Variants in FRMD6 observed in about 807,000 individuals in gnomAD.
The protein encoded by FRMD6 is FERM domain containing 6.
A neutral mutation model predicts 73.2 loss-of-function variants in FRMD6; 37 were observed. The observed-to-expected ratio is 0.51, with a 90% CI of 0.39 to 0.66. The LOEUF (loss-of-function observed/expected upper bound fraction) is 0.66. Among genes scored for constraint, FRMD6 ranks in the 30% least tolerant of loss-of-function variants. FRMD6 has a pLI of 0.00. For missense variants in FRMD6, 714 were observed against 780.5 expected (o/e 0.91, Z 1.02); for synonymous variants, 273 against 282.2 (o/e 0.97, Z 0.33).
chr14:51,539,059 T>G (rs2139358389), intron 1 of FRMD6, among the ~76,000 whole-genome samples: 1 of 152,286 alleles, frequency 6.6e-6, no homozygotes, highest in African/African-American at 2.4e-5. Flanking sequence ...TTGGTTTTAA[T>G]GGGCTTTTTC....
chr14:51,408,331 A>G, the FRMD6 span, among the ~76,000 whole-genome samples: 2 of 151,894 alleles, frequency 1.3e-5, no homozygotes, highest in African/African-American at 2.4e-5. Flanking sequence ...GGCTAATTTT[A>G]TTAATTCTTT....
chr14:51,640,280 C>T (rs1891756725), intron 2 of FRMD6, among the ~76,000 whole-genome samples: 1 of 152,188 alleles, frequency 6.6e-6, no homozygotes, highest in Non-Finnish European at 1.5e-5. Context: ...GTTACAATAC[C>T]TAAAGCATTT....
intron 2 of FRMD6, among the ~76,000 whole-genome samples, chr14:51,595,303 C>T (rs541125493): frequency 1.3e-5 from 2 of 152,266 alleles, no homozygotes; most frequent in South Asian, 4.1e-4. Context: ...CAAATCTGTA[C>T]CCTGGAAATA....
chr14:51,451,380 G>GTA, the FRMD6 span, among the ~76,000 whole-genome samples: 1 of 152,166 alleles, frequency 6.6e-6, no homozygotes, highest in East Asian at 1.9e-4. Flanking sequence ...CTATGCATAT[G>GTA]TATATATATG....
the FRMD6 span, among the ~76,000 whole-genome samples, chr14:51,450,090 G>T: frequency 1.2e-4 from 19 of 152,182 alleles, no homozygotes; most frequent in South Asian, 6.2e-4. Flanking sequence ...AATCATACCT[G>T]TGGCAAAAAT....
the FRMD6 span, among the ~76,000 whole-genome samples, chr14:51,426,070 C>T: frequency 0.086 from 13,024 of 152,118 alleles, 595 homozygotes; most frequent in East Asian, 0.12. Context: ...TCTTGTTCAA[C>T]ATGGGCCCTC....
intron 2 of FRMD6, among the ~76,000 whole-genome samples, chr14:51,586,196 A>G (rs1364555789): frequency 6.6e-6 from 1 of 151,776 alleles, no homozygotes; most frequent in Non-Finnish European, 1.5e-5. Context: ...TTACATTCCC[A>G]CCAACGATGT....
At chr14:51,686,905 T>A (rs1360173503) in intron 1 of FRMD6, among the ~76,000 whole-genome samples, 1 of 152,218 alleles carries the variant, frequency 6.6e-6, no homozygotes, top group African/African-American at 2.4e-5. Context: ...TTTTGCCATT[T>A]CATTGGAGCC....
At chr14:51,551,285 A>C (rs528488477) in intron 1 of FRMD6, among the ~76,000 whole-genome samples, 1 of 152,358 alleles carries the variant, frequency 6.6e-6, no homozygotes, top group African/African-American at 2.4e-5. Flanking sequence ...CACAAATACA[A>C]ATTTTATAAA....
chr14:51,537,037 A>C (rs895409236), intron 1 of FRMD6, among the ~76,000 whole-genome samples: 1 of 152,214 alleles, frequency 6.6e-6, no homozygotes, highest in African/African-American at 2.4e-5. Flanking sequence ...CATTATCATC[A>C]AAGTCCATAG....
chr14:51,712,804 T>A (rs1395098508), intron 9 of FRMD6, among the ~76,000 whole-genome samples: 1 of 152,174 alleles, frequency 6.6e-6, no homozygotes, highest in Non-Finnish European at 1.5e-5. Context: ...GCAAAAGAAG[T>A]TAGTAATTTT....
chr14:51,605,812 T>C (rs868768114), intron 2 of FRMD6, among the ~76,000 whole-genome samples: 2 of 152,160 alleles, frequency 1.3e-5, no homozygotes, highest in Admixed American at 6.5e-5. Context: ...TCACAAGATA[T>C]CACTTTATTC....
intron 1 of FRMD6, among the ~76,000 whole-genome samples, chr14:51,661,804 A>C (rs916593805): frequency 6.6e-6 from 1 of 152,190 alleles, no homozygotes; most frequent in Non-Finnish European, 1.5e-5. Context: ...AGAGAATAAA[A>C]AATTTATGAA....
At chr14:51,511,870 TATA>T (rs147559656) in intron 1 of FRMD6, among the ~76,000 whole-genome samples, 24 of 150,200 alleles carry the variant, frequency 1.6e-4, no homozygotes, top group Admixed American at 2.7e-4. Flanking sequence ...GAACTTAAAG[TATA>T]ATAATAATAA....
At chr14:51,535,623 C>G (rs978097917) in intron 1 of FRMD6, among the ~76,000 whole-genome samples, 5 of 152,182 alleles carry the variant, frequency 3.3e-5, no homozygotes, top group African/African-American at 9.7e-5. Context: ...GATCCATTCA[C>G]CAGGTGATGC....
intron 12 of FRMD6, among the ~76,000 whole-genome samples, chr14:51,724,464 TTC>T (rs1485224828): frequency 6.6e-6 from 1 of 152,226 alleles, no homozygotes; most frequent in Non-Finnish European, 1.5e-5. Context: ...ATAAAGATCG[TTC>T]TAGATCCTCT....
chr14:51,504,239 C>T (rs1883809461), intron 1 of FRMD6, among the ~76,000 whole-genome samples: 1 of 152,150 alleles, frequency 6.6e-6, no homozygotes, highest in East Asian at 1.9e-4. Context: ...TGGTTTTTAC[C>T]ATATCTGGAG....
At chr14:51,681,992 A>T (rs1312741085) in intron 1 of FRMD6, among the ~76,000 whole-genome samples, 1 of 152,210 alleles carries the variant, frequency 6.6e-6, no homozygotes, top group Admixed American at 6.5e-5. Context: ...TCTGTAAAAC[A>T]CATTGTGGTC....
At chr14:51,697,932 T>A in intron 2 of FRMD6, 2 of 459,000 alleles carry the variant, frequency 4.4e-6, no homozygotes, top group South Asian at 5.8e-5. Context: ...GTCTTGTACT[T>A]TATTACCATG....
Sources: gnomAD v4.1 joint callset for allele counts (sites outside exome capture counted in the v4.1 genomes callset) on GRCh38, gnomAD v4.1.1 for gene constraint, MANE v1.5 for transcripts, NCBI Gene and HGNC (gene_info 2026-07-23, HGNC 2026-07-21) for gene names.